ZNF808: variants seen among roughly 807,000 people sequenced by gnomAD.
The protein encoded by ZNF808 is zinc finger protein 808.
Under a neutral mutation model 8.7 loss-of-function variants are expected in ZNF808, and 5 were observed. That is an observed-to-expected ratio of 0.58 (90% CI 0.30 to 1.21). The LOEUF (loss-of-function observed/expected upper bound fraction) is 1.21. Ranked by LOEUF, ZNF808 falls within the 50% of genes most tolerant of loss-of-function variation. The pLI is 0.07. For missense variants in ZNF808, 1,103 were observed against 1,098.4 expected (o/e 1.00, Z -0.06); for synonymous variants, 380 against 366.0 (o/e 1.04, Z -0.44).
rs375704169 is a variant in ZNF808, at chr19:52,543,396, A to G, written c.63+49A>G. The G allele has an allele frequency of 1.4e-4, 225 of 1,597,750 alleles. 1 individual carries two copies. In the South Asian group the frequency reaches 1.9e-3, roughly 13 times the overall value. On this transcript the variant is annotated intron_variant, in intron 3 of 4. Transcript: ENST00000359798. ...TTAATCTGTCTCTTTCCTTTCTGAA[A>G]TGTAGTAGTATTATATTGTATTGTA...
downstream of ZNF808, among the ~76,000 whole-genome samples, chr19:52,567,217 G>T (rs958828533): frequency 1.2e-4 from 19 of 152,020 alleles, no homozygotes; most frequent in Non-Finnish European, 1.5e-4. Flanking sequence ...CTTCCAAAGT[G>T]CCAGAATTAC....
At chr19:52,541,689 A>C (rs2059672049) in intron 2 of ZNF808, among the ~76,000 whole-genome samples, 1 of 151,870 alleles carries the variant, frequency 6.6e-6, no homozygotes, top group African/African-American at 2.4e-5. Context: ...CAAATATTAA[A>C]AAAAAAAAAG....
chr19:52,549,775 T>C (rs2059757828), intron 4 of ZNF808, among the ~76,000 whole-genome samples: 1 of 152,190 alleles, frequency 6.6e-6, no homozygotes, highest in Non-Finnish European at 1.5e-5. Flanking sequence ...TTCCAGCCTA[T>C]TGATTTTGTA....
chr19:52,529,448 G>C (rs563234754), intron 1 of ZNF808, among the ~76,000 whole-genome samples: 82 of 152,296 alleles, frequency 5.4e-4, no homozygotes, highest in African/African-American at 2.0e-3. Context: ...ATGATTAGTT[G>C]TGACATGTTG....
rs749043563 is a variant in ZNF808 at position 52,554,094 on chromosome 19, A to T, written c.1178A>T (p.His393Leu). 1 of 1,614,176 alleles carries T rather than the reference A, an allele frequency of 6.2e-7. No individual in the cohort carries two copies. Among genetic ancestry groups the T allele is most frequent in the South Asian group, 1.1e-5 (1 of 91,082 alleles). ...TATCTGGCAAACCATACTAGAATTC[A>T]TAGTGGAGAGAAAACATACAAGTGT... ...HSYLANHTRIHSGEKTYKCNE... is the reference protein window; with the variant it reads ...HSYLANHTRILSGEKTYKCNE... Residue 393 changes from histidine (H) to leucine (L), a missense_variant, in exon 5 of 5, where the codon CAT (histidine) becomes CTT (leucine). By Grantham distance (99) the His-to-Leu change is moderately conservative. Coordinates refer to ENST00000359798, the MANE Select transcript of ZNF808 (RefSeq NM_001039886.4).
At chr19:52,552,588 ATCTTT>A (rs1265541127) in intron 4 of ZNF808, among the ~76,000 whole-genome samples, 4 of 151,218 alleles carry the variant, frequency 2.6e-5, no homozygotes, top group Non-Finnish European at 5.9e-5. Flanking sequence ...AATTTTTGTA[ATCTTT>A]TCTTATCTTC....
chr19:52,543,271 A>T lies in ZNF808; in HGVS notation c.-14A>T, dbSNP rs1202960246. On this transcript the variant is annotated 5_prime_UTR_variant, in exon 3 of 5. Transcript: ENST00000359798. ...TTATTTTTTTTCACATACAGGATTG[A>T]TTTCTAAAGACTCATGTTACGTGAG... 6.2e-7 allele frequency: 1 copy of T among 1,613,096 alleles called. No homozygotes were observed. The highest frequency in any genetic ancestry group is 8.5e-7 in the Non-Finnish European group (1 of 1,179,606).
Position 52,553,903 on chromosome 19 carries a change from C to A in ZNF808, c.987C>A (p.Ala329=). 6.2e-7 allele frequency: 1 copy of A among 1,614,050 alleles called. No individual in the cohort carries two copies. Among genetic ancestry groups the A allele is most frequent in the Non-Finnish European group, 8.5e-7 (1 of 1,180,008 alleles). ...ECGKVFRQNS[A]LVIHKAIHTG... ...GCAAGGTCTTTCGTCAAAATTCAGC[C>A]CTTGTAATTCATAAGGCAATTCATA... The change falls in exon 5 of 5, where the codon GCC becomes GCA. Residue 329 remains alanine (A), a synonymous_variant. Transcript: ENST00000359798.
chr19:52,553,877 G>A lies in ZNF808; in HGVS notation c.961G>A (p.Gly321Ser). ...GVKPYKCNEC[G>S]KVFRQNSALV... is the part of the protein sequence containing the mutation. ...AAAACCTTACAAGTGTAATGAGTGT[G>A]GCAAGGTCTTTCGTCAAAATTCAGC... Residue 321 changes from glycine to serine, a missense_variant, in exon 5 of 5, where the codon GGC (glycine) becomes AGC (serine). Physicochemically the swap from Gly to Ser is moderately conservative, Grantham distance 56. Transcript: ENST00000359798. 3 of 1,614,100 alleles carry A rather than the reference G, an allele frequency of 1.9e-6. No individual in the cohort carries two copies. The highest frequency in any genetic ancestry group is 2.5e-6 in the Non-Finnish European group (3 of 1,180,014).
chr19:52,545,268 A>G (rs941630885), intron 3 of ZNF808, among the ~76,000 whole-genome samples: 1 of 152,106 alleles, frequency 6.6e-6, no homozygotes, highest in Non-Finnish European at 1.5e-5. Flanking sequence ...CTCCCAGATT[A>G]CAGTGATTCT....
chr19:52,553,204 T>C lies in ZNF808; in HGVS notation c.288T>C (p.Tyr96=), dbSNP rs2059795107. Reference sequence around the variant, plus strand: ...GGACATTGCAAAGACATCAAAGTTATCACATTGGAGACTTTTGCTTCCAGG... The same window carrying C: ...GGACATTGCAAAGACATCAAAGTTACCACATTGGAGACTTTTGCTTCCAGG... ...HTGTLQRHQS[Y]HIGDFCFQEI... Residue 96 remains tyrosine, a synonymous_variant, in exon 5 of 5, where the codon TAT becomes TAC. Transcript: ENST00000359798. 2.5e-6 allele frequency: 4 copies of C among 1,613,962 alleles called. No individual in the cohort carries two copies. Among genetic ancestry groups the C allele is most frequent in the Non-Finnish European group, 2.5e-6 (3 of 1,179,956 alleles).
chr19:52,530,343 AG>A (rs2059550207), intron 1 of ZNF808, among the ~76,000 whole-genome samples: 2 of 151,740 alleles, frequency 1.3e-5, no homozygotes, highest in South Asian at 4.2e-4. Flanking sequence ...TCCTGGCGTG[AG>A]CCACCACTCT....
chr19:52,550,119 A>G (rs1432761232), intron 4 of ZNF808, among the ~76,000 whole-genome samples: 1 of 152,102 alleles, frequency 6.6e-6, no homozygotes, highest in Non-Finnish European at 1.5e-5. Flanking sequence ...CATGCCCAGG[A>G]TTAAGTCTTG....
chr19:52,531,207 C>T (rs2059559040), intron 1 of ZNF808, among the ~76,000 whole-genome samples: 1 of 152,172 alleles, frequency 6.6e-6, no homozygotes, highest in Non-Finnish European at 1.5e-5. Flanking sequence ...TGTTCGGTGG[C>T]TCACACTTGT....
intron 4 of ZNF808, among the ~76,000 whole-genome samples, chr19:52,549,529 T>C (rs1415079778): frequency 6.6e-6 from 1 of 152,188 alleles, no homozygotes; most frequent in Non-Finnish European, 1.5e-5. Context: ...TCTTGTCCCT[T>C]GCCCATATTG....
chr19:52,543,913 T>G (rs1459737007), intron 3 of ZNF808, among the ~76,000 whole-genome samples: 1 of 151,860 alleles, frequency 6.6e-6, no homozygotes, highest in East Asian at 1.9e-4. Context: ...AATCCCAGCA[T>G]TTTGGGAGGC....
downstream of ZNF808, among the ~76,000 whole-genome samples, chr19:52,559,989 T>A (rs1434570436): frequency 6.6e-6 from 1 of 152,214 alleles, no homozygotes; most frequent in Non-Finnish European, 1.5e-5. Flanking sequence ...TTTTTATAGT[T>A]GTTATGATTG....
rs763830236 is a variant in ZNF808, at chr19:52,554,750, T to A, written c.1834T>A (p.Ser612Thr). The change falls in exon 5 of 5, where the codon TCA (serine) becomes ACA (threonine). Residue 612 changes from serine to threonine, a missense_variant. Physicochemically the swap from Ser to Thr is moderately conservative, Grantham distance 58. Coordinates refer to ENST00000359798, the MANE Select transcript of ZNF808 (RefSeq NM_001039886.4). Reference sequence around the variant, plus strand: ...TTTTGGTCAGAAATCAGCTCTTGAGTCACATAAGAGAATTCATACTGGAGA... The same window carrying A: ...TTTTGGTCAGAAATCAGCTCTTGAGACACATAAGAGAATTCATACTGGAGA... Reference protein sequence around the residue: ...KVFGQKSALESHKRIHTGEKP... With the variant: ...KVFGQKSALETHKRIHTGEKP... 10 of 1,612,854 alleles carry A rather than the reference T, an allele frequency of 6.2e-6. No homozygotes were observed. In the South Asian group the frequency reaches 1.1e-4, roughly 18 times the overall value.
downstream of ZNF808, among the ~76,000 whole-genome samples, chr19:52,567,483 TTTTTTATTATTATTATTATTATTATTA>T (rs1252435102): frequency 3.1e-5 from 4 of 130,844 alleles, no homozygotes; most frequent in East Asian, 2.2e-4. Context: ...TCCAGCTGTA[TTTTTTATTATTATTATTATTATTATTA>T]TTATTATTAT....
Sources: allele counts gnomAD v4.1 joint callset (sites outside exome capture counted in the v4.1 genomes callset), GRCh38; gene constraint gnomAD v4.1.1; transcripts MANE v1.5; gene names NCBI Gene and HGNC (gene_info 2026-07-23, HGNC 2026-07-21).